Variants in SLC2A9 observed in about 807,000 individuals in gnomAD.
The protein encoded by SLC2A9 is solute carrier family 2, facilitated glucose transporter member 9.
SLC2A9 carries 39 observed loss-of-function variants against 50.6 expected under a neutral mutation model. That is an observed-to-expected ratio of 0.77 (90% CI 0.60 to 1.01). The LOEUF (loss-of-function observed/expected upper bound fraction) is 1.01, where lower values mean the gene tolerates loss of function less well. Ranked by LOEUF, SLC2A9 falls within the 50% of genes least tolerant of loss-of-function variation. The probability of loss-of-function intolerance (pLI) is 0.00; values close to 1 mark genes in which losing one functional copy is unlikely to be tolerated. For synonymous variants in SLC2A9, 324 were observed against 276.9 expected (o/e 1.17, Z -1.69); for missense variants, 686 against 677.6 (o/e 1.01, Z -0.14).
At position 9,806,952 on chromosome 4, in the gene SLC2A9, G is replaced by A. The variant is rs145430997; in HGVS notation, n.421-7711C>T. 2.9e-3 allele frequency among the ~76,000 whole-genome samples: 437 copies of A among 152,246 alleles called. 4 individuals are homozygous for A. Among genetic ancestry groups the A allele is most frequent in the African/African-American group, 9.4e-3 (392 of 41,544 alleles). On this transcript the variant is annotated intron_variant and non_coding_transcript_variant, in intron 3 of 3. Transcript: ENST00000503280. ...AAGACTGAAAGATACCAAACTCATC[G>A]ATTTCCTCCTGAGTCCCCTTCTCAG...
downstream of SLC2A9, among the ~76,000 whole-genome samples, chr4:9,777,297 CTTT>C (rs71649549): frequency 9.2e-5 from 13 of 141,520 alleles, no homozygotes; most frequent in East Asian, 2.1e-4. Context: ...GTCTCTGTTT[CTTT>C]TTTTTTTTTT....
intron 1 of SLC2A9, among the ~76,000 whole-genome samples, chr4:10,032,034 T>C (rs1174498304): frequency 6.6e-6 from 1 of 152,226 alleles, no homozygotes; most frequent in African/African-American, 2.4e-5. Flanking sequence ...TGGTGTATAT[T>C]GAGCACCTAC....
chr4:9,780,452 G>A lies in SLC2A9; in HGVS notation n.386-387C>T, dbSNP rs371623543. On this transcript the variant is annotated intron_variant and non_coding_transcript_variant, in intron 3 of 3. Transcript: ENST00000503803. The stretch of plus-strand genomic sequence containing the variant: ...AAGCACTGAGGGGGAAGGAGGTTGG[G>A]GGAAGGGACTGTGTAGGCTGAGCAG... 9.9e-5 allele frequency among the ~76,000 whole-genome samples: 15 copies of A among 152,262 alleles called. No individual in the cohort carries two copies. The East Asian group carries it at 2.3e-3, about 24-fold the overall frequency.
chr4:9,838,948 G>A (rs922581588), intron 10 of SLC2A9, among the ~76,000 whole-genome samples: 1 of 152,158 alleles, frequency 6.6e-6, no homozygotes, highest in Non-Finnish European at 1.5e-5. Flanking sequence ...CACAGGCAAA[G>A]ATTTCATGAC....
chr4:9,995,236 C>T (rs1758438415), intron 3 of SLC2A9, among the ~76,000 whole-genome samples: 1 of 152,112 alleles, frequency 6.6e-6, no homozygotes, highest in Non-Finnish European at 1.5e-5. Flanking sequence ...CAGACAATGG[C>T]ATCTCTCACT....
At chr4:9,973,532 TG>T (rs1366737418) in intron 5 of SLC2A9, among the ~76,000 whole-genome samples, 1 of 151,650 alleles carries the variant, frequency 6.6e-6, no homozygotes. Flanking sequence ...TATGCAGCCA[TG>T]AAAAATGAAG....
At chr4:9,939,694 G>A (rs1747769069) in intron 6 of SLC2A9, among the ~76,000 whole-genome samples, 2 of 152,214 alleles carry the variant, frequency 1.3e-5, no homozygotes, top group South Asian at 4.1e-4. Flanking sequence ...TGCTTAGAAT[G>A]AAATAGTTTT....
intron 3 of SLC2A9, among the ~76,000 whole-genome samples, chr4:9,790,296 G>T (rs1192654685): frequency 6.6e-6 from 1 of 152,144 alleles, no homozygotes; most frequent in Non-Finnish European, 1.5e-5. Context: ...CTCCATCTTG[G>T]ACCTTTTCCT....
chr4:9,958,766 C>T (rs909340067), intron 5 of SLC2A9, among the ~76,000 whole-genome samples: 1 of 152,070 alleles, frequency 6.6e-6, no homozygotes, highest in African/African-American at 2.4e-5. Flanking sequence ...CCAGAAAAGA[C>T]CCATTTAGAC....
At chr4:10,014,563 C>G (rs1401229506) in intron 2 of SLC2A9, among the ~76,000 whole-genome samples, 3 of 152,206 alleles carry the variant, frequency 2.0e-5, no homozygotes, top group Non-Finnish European at 4.4e-5. Flanking sequence ...CCACTGGACC[C>G]CACATCCAGC....
At chr4:9,974,855 T>C (rs558288102) in intron 5 of SLC2A9, among the ~76,000 whole-genome samples, 5 of 152,284 alleles carry the variant, frequency 3.3e-5, no homozygotes, top group East Asian at 3.9e-4. Context: ...CCTCAAGCCA[T>C]ACTGTAAACC....
intron 2 of SLC2A9, among the ~76,000 whole-genome samples, chr4:10,004,301 G>T (rs1760385796): frequency 6.6e-6 from 1 of 152,152 alleles, no homozygotes; most frequent in Admixed American, 6.5e-5. Context: ...TAGAACTGCA[G>T]GGCCTGCTAG....
At chr4:9,838,871 TAA>T (rs1727538564) in intron 10 of SLC2A9, among the ~76,000 whole-genome samples, 1 of 152,286 alleles carries the variant, frequency 6.6e-6, no homozygotes, top group Non-Finnish European at 1.5e-5. Context: ...ATTAAATACT[TAA>T]ATGTAAAACC....
intron 5 of SLC2A9, among the ~76,000 whole-genome samples, chr4:9,957,331 C>A (rs747965211): frequency 6.6e-6 from 1 of 152,224 alleles, no homozygotes; most frequent in African/African-American, 2.4e-5. Flanking sequence ...GGCATTCACA[C>A]ACTGACTTGT....
intron 6 of SLC2A9, among the ~76,000 whole-genome samples, chr4:9,929,183 C>G (rs1174026166): frequency 6.6e-6 from 1 of 152,364 alleles, no homozygotes; most frequent in Admixed American, 6.5e-5. Context: ...TAACTATCCC[C>G]TGAAGTAGAC....
At chr4:9,906,176 G>T (rs1740627436) in intron 8 of SLC2A9, among the ~76,000 whole-genome samples, 1 of 152,216 alleles carries the variant, frequency 6.6e-6, no homozygotes, top group Non-Finnish European at 1.5e-5. Context: ...GCTTTTAGAA[G>T]TGGGGAAACT....
At chr4:9,967,820 T>C (rs964070602) in intron 5 of SLC2A9, among the ~76,000 whole-genome samples, 4 of 114,848 alleles carry the variant, frequency 3.5e-5, no homozygotes, top group African/African-American at 1.6e-4. Flanking sequence ...TAAGAAAGTA[T>C]AGAACAAAAC....
intron 3 of SLC2A9, among the ~76,000 whole-genome samples, chr4:9,781,089 G>T (rs1430640622): frequency 6.6e-6 from 1 of 152,046 alleles, no homozygotes; most frequent in Admixed American, 6.5e-5. Flanking sequence ...AGGGGCTGGG[G>T]GAAGCGGGAG....
At chr4:9,897,357 C>G (rs1456374386) in intron 8 of SLC2A9, among the ~76,000 whole-genome samples, 3 of 152,136 alleles carry the variant, frequency 2.0e-5, no homozygotes, top group Non-Finnish European at 4.4e-5. Flanking sequence ...CCTTGGGGAG[C>G]TTTATGGGCT....
Sources: allele counts gnomAD v4.1 joint callset (sites outside exome capture counted in the v4.1 genomes callset), GRCh38; gene constraint gnomAD v4.1.1; transcripts MANE v1.5; gene names NCBI Gene and HGNC (gene_info 2026-07-23, HGNC 2026-07-21).